The following EBF1 variants were observed in gnomAD, a reference collection of about 807,000 sequenced individuals.
The protein encoded by EBF1 is transcription factor COE1.
In EBF1, 10 loss-of-function variants were observed where a neutral mutation model predicts 68.4. That is an observed-to-expected ratio of 0.15 (90% CI 0.09 to 0.25). The LOEUF is 0.25. Among genes scored for constraint, EBF1 ranks in the 10% least tolerant of loss-of-function variants. The probability of loss-of-function intolerance (pLI) is 1.00; values close to 1 mark genes in which losing one functional copy is unlikely to be tolerated. For missense variants in EBF1, 509 were observed against 794.4 expected (o/e 0.64, Z 4.32); for synonymous variants, 298 against 299.8 (o/e 0.99, Z 0.06).
intron 6 of EBF1, among the ~76,000 whole-genome samples, chr5:158,940,770 C>G (rs1228252575): frequency 3.0e-5 from 1 of 32,846 alleles, no homozygotes; most frequent in African/African-American, 7.6e-5. Flanking sequence ...ACCGCCCCCC[C>G]CCCCCCCCCG....
At chr5:158,773,426 ATGTT>A (rs1005430948) in intron 10 of EBF1, among the ~76,000 whole-genome samples, 1 of 152,136 alleles carries the variant, frequency 6.6e-6, no homozygotes, top group African/African-American at 2.4e-5. Flanking sequence ...TGGGTGAAAA[ATGTT>A]TGGAATTGGA....
chr5:158,831,270 A>T (rs954547956), intron 7 of EBF1, among the ~76,000 whole-genome samples: 1 of 152,174 alleles, frequency 6.6e-6, no homozygotes, highest in African/African-American at 2.4e-5. Flanking sequence ...AGAAAATGGC[A>T]TATTGGTCAA....
At chr5:159,071,766 G>T (rs1426608362) in intron 6 of EBF1, among the ~76,000 whole-genome samples, 1 of 152,080 alleles carries the variant, frequency 6.6e-6, no homozygotes, top group Non-Finnish European at 1.5e-5. Flanking sequence ...TTTCATTGAG[G>T]GTGGCAAGGT....
chr5:158,811,264 T>C (rs764982780), intron 8 of EBF1, among the ~76,000 whole-genome samples: 24 of 152,324 alleles, frequency 1.6e-4, no homozygotes, highest in Non-Finnish European at 2.1e-4. Flanking sequence ...GGATTTAGCA[T>C]AGATCTGGCT....
Position 158,712,310 on chromosome 5 carries a change from C to G in EBF1, c.1393G>C (p.Val465Leu), listed in dbSNP as rs913725865. The G allele has an allele frequency of 1.1e-5, 17 of 1,613,828 alleles. No individual in the cohort carries two copies. In the South Asian group the frequency reaches 1.6e-4, roughly 16 times the overall value. The stretch of plus-strand genomic sequence containing the variant: ...CTCGGCACGTACCCGTGTGGTGATA[C>G]GCTGCTTGAGTTGCGGGTGAAACCT... ...NQGFTRNSSS[V>L]SPHGYVPSTT... Residue 465 changes from valine (V) to leucine (L), a missense_variant, in exon 14 of 16, where the codon GTA becomes CTA. Transcript: ENST00000313708.
chr5:158,798,754 G>C (rs1266650777), intron 8 of EBF1, among the ~76,000 whole-genome samples: 1 of 152,174 alleles, frequency 6.6e-6, no homozygotes, highest in African/African-American at 2.4e-5. Context: ...AGGCAAGAAA[G>C]AGCATCAAGC....
chr5:158,886,147 G>T (rs1448004659), intron 6 of EBF1, among the ~76,000 whole-genome samples: 1 of 152,220 alleles, frequency 6.6e-6, no homozygotes, highest in Admixed American at 6.5e-5. Context: ...CAAGGATACA[G>T]CTATTGTCTA....
chr5:158,881,340 G>C (rs1459256948), intron 6 of EBF1, among the ~76,000 whole-genome samples: 1 of 152,182 alleles, frequency 6.6e-6, no homozygotes, highest in Non-Finnish European at 1.5e-5. Context: ...AAGCTACTTA[G>C]ATTCTGACGC....
intron 15 of EBF1, among the ~76,000 whole-genome samples, chr5:158,706,636 T>C (rs1757937008): frequency 6.6e-6 from 1 of 152,150 alleles, no homozygotes; most frequent in Admixed American, 6.5e-5. Context: ...ACTGCCTTCC[T>C]CACCCCTCCC....
At chr5:158,803,939 CGT>C (rs1244932630) in intron 8 of EBF1, among the ~76,000 whole-genome samples, 4 of 123,894 alleles carry the variant, frequency 3.2e-5, no homozygotes, top group Non-Finnish European at 5.2e-5. Flanking sequence ...GAAAAAGAGT[CGT>C]GTGTGTGTCT....
At chr5:158,920,153 A>ATG (rs139876400) in intron 6 of EBF1, among the ~76,000 whole-genome samples, 209 of 151,234 alleles carry the variant, frequency 1.4e-3, no homozygotes, top group African/African-American at 4.0e-3. Flanking sequence ...TTATATACAT[A>ATG]TGTGTGTGTG....
chr5:158,715,966 C>T lies in EBF1; in HGVS notation c.1126-1784G>A, dbSNP rs934570673. Among the ~76,000 whole-genome samples, 8 of 152,098 alleles carry T rather than the reference C, an allele frequency of 5.3e-5. No homozygotes were observed. In the East Asian group the frequency reaches 7.7e-4, roughly 15 times the overall value. ...GCCAGTGTTGGGGCTTGGCAGGGAA[C>T]GTATTTTCCTTTCTTTCCATTTTAG... On this transcript the variant is annotated intron_variant, in intron 11 of 15. Transcript: ENST00000313708.
At chr5:158,795,915 G>A (rs1779539262) in intron 9 of EBF1, among the ~76,000 whole-genome samples, 1 of 152,140 alleles carries the variant, frequency 6.6e-6, no homozygotes, top group Admixed American at 6.5e-5. Context: ...CCTACACCTG[G>A]ATTATGCTGC....
chr5:158,994,505 T>A (rs1213601772), intron 6 of EBF1, among the ~76,000 whole-genome samples: 1 of 152,212 alleles, frequency 6.6e-6, no homozygotes, highest in Admixed American at 6.5e-5. Context: ...AGCTGTCACC[T>A]GACATCATAA....
chr5:158,753,488 C>A (rs1489043523), intron 10 of EBF1, among the ~76,000 whole-genome samples: 1 of 152,048 alleles, frequency 6.6e-6, no homozygotes, highest in African/African-American at 2.4e-5. Flanking sequence ...TTTCTTGATT[C>A]AAGGTAGTGG....
At chr5:158,831,466 A>G (rs1341079554) in intron 7 of EBF1, among the ~76,000 whole-genome samples, 1 of 152,154 alleles carries the variant, frequency 6.6e-6, no homozygotes, top group Non-Finnish European at 1.5e-5. Flanking sequence ...TAAAGCATTT[A>G]CCAAGCAGGA....
intron 6 of EBF1, among the ~76,000 whole-genome samples, chr5:158,985,064 G>A (rs1019115812): frequency 1.3e-5 from 2 of 151,974 alleles, no homozygotes; most frequent in Admixed American, 6.6e-5. Context: ...TACTTACTGC[G>A]GCACTATAGT....
intron 6 of EBF1, among the ~76,000 whole-genome samples, chr5:158,908,757 G>T (rs989492177): frequency 2.0e-5 from 3 of 152,186 alleles, no homozygotes; most frequent in Non-Finnish European, 4.4e-5. Context: ...GGAAGAGGTG[G>T]CGTGATTATT....
At chr5:159,065,987 G>A (rs1040855296) in intron 6 of EBF1, among the ~76,000 whole-genome samples, 2 of 152,010 alleles carry the variant, frequency 1.3e-5, no homozygotes, top group African/African-American at 4.8e-5. Flanking sequence ...AAGTGTCTAT[G>A]AGCTTTTTGT....
Sources: gnomAD v4.1 joint callset for allele counts (sites outside exome capture counted in the v4.1 genomes callset) on GRCh38, gnomAD v4.1.1 for gene constraint, MANE v1.5 for transcripts, NCBI Gene and HGNC (gene_info 2026-07-23, HGNC 2026-07-21) for gene names.